Variants in MAL2 observed in about 807,000 individuals in gnomAD.
MAL2 encodes the protein protein MAL2.
MAL2 carries 17 observed loss-of-function variants against 18.1 expected under a neutral mutation model. The ratio of observed to expected loss-of-function variants is 0.94; its 90% confidence interval spans 0.64 to 1.41. The LOEUF (loss-of-function observed/expected upper bound fraction) is 1.41, where lower values mean the gene tolerates loss of function less well. Ranked by LOEUF, MAL2 falls within the 40% of genes most tolerant of loss-of-function variation. The pLI is 0.00. For missense variants in MAL2, 222 were observed against 231.9 expected, an observed-to-expected ratio of 0.96 and a Z score of 0.28; for synonymous variants, 102 against 102.3, an observed-to-expected ratio of 1.00 and a Z score of 0.02.
chr8:119,238,089 C>T (rs1410392773), intron 2 of MAL2, among the ~76,000 whole-genome samples: 1 of 152,190 alleles, frequency 6.6e-6, no homozygotes, highest in Non-Finnish European at 1.5e-5. Context: ...TCAGCAAAGT[C>T]TCAGGATACA....
intron 3 of MAL2, 49 bp from the exon 4 acceptor site, chr8:119,243,368 T>A: frequency 6.9e-7 from 1 of 1,450,392 alleles, no homozygotes; most frequent in Non-Finnish European, 9.4e-7. Context: ...ACACTGTTTA[T>A]AAGTCGGTGT....
chr8:119,233,794 G>A (rs1302702943), intron 2 of MAL2, among the ~76,000 whole-genome samples: 2 of 151,752 alleles, frequency 1.3e-5, no homozygotes, highest in Non-Finnish European at 2.9e-5. Flanking sequence ...CCTATCAATA[G>A]AAAAAGAGAG....
intron 1 of MAL2, among the ~76,000 whole-genome samples, chr8:119,210,645 G>T (rs78305356): frequency 0.079 from 11,962 of 152,108 alleles, 1,372 homozygotes; most frequent in African/African-American, 0.25. Context: ...CTCTCTATCC[G>T]CTAAAACTGC....
At chr8:119,243,081 A>G (rs989627519) in intron 3 of MAL2, among the ~76,000 whole-genome samples, 8 of 152,214 alleles carry the variant, frequency 5.3e-5, no homozygotes, top group African/African-American at 1.9e-4. Flanking sequence ...ACAGAACTTC[A>G]TGCTGAATTT....
At chr8:119,228,000 GTTTGT>G (rs1350219635) in intron 2 of MAL2, among the ~76,000 whole-genome samples, 1 of 32,238 alleles carries the variant, frequency 3.1e-5, no homozygotes, top group Admixed American at 4.0e-4. Flanking sequence ...TGCTACACTT[GTTTGT>G]TTTTAGTCAC....
intron 2 of MAL2, among the ~76,000 whole-genome samples, chr8:119,238,372 A>T (rs1430706026): frequency 6.6e-6 from 1 of 152,204 alleles, no homozygotes; most frequent in East Asian, 1.9e-4. Context: ...TATAGATTCA[A>T]TGCCATCCCC....
intron 2 of MAL2, among the ~76,000 whole-genome samples, chr8:119,226,038 T>A (rs1587129181): frequency 1.3e-5 from 2 of 152,226 alleles, no homozygotes; most frequent in East Asian, 3.9e-4. Flanking sequence ...ATGAGTAGAT[T>A]GCAAAAATTT....
At position 119,240,205 on chromosome 8, in the gene MAL2, G is replaced by C; in HGVS notation, c.344G>C (p.Gly115Ala). Reference sequence around the variant, plus strand: ...TTTACAGTATTTGTCTTCTATTTTGGAGCCTTTTTATTGGAAGCAGCAGCC... The same window carrying C: ...TTTACAGTATTTGTCTTCTATTTTGCAGCCTTTTTATTGGAAGCAGCAGCC... ...YHFTVFVFYF[G>A]AFLLEAAATS... The change falls in exon 3 of 4, where the codon GGA (glycine) becomes GCA (alanine). Residue 115 changes from glycine (G) to alanine (A), a missense_variant. Transcript: ENST00000614891. The C allele has an allele frequency of 6.2e-7, 1 of 1,613,252 alleles. No homozygotes were observed. Among genetic ancestry groups the C allele is most frequent in the Non-Finnish European group, 8.5e-7 (1 of 1,179,694 alleles).
chr8:119,241,404 G>C (rs959376211), intron 3 of MAL2, among the ~76,000 whole-genome samples: 5 of 152,140 alleles, frequency 3.3e-5, no homozygotes, highest in African/African-American at 9.7e-5. Context: ...GCCAGGCCTG[G>C]TGGCTTGTGC....
At chr8:119,212,323 C>T (rs1226072115) in intron 1 of MAL2, among the ~76,000 whole-genome samples, 1 of 152,168 alleles carries the variant, frequency 6.6e-6, no homozygotes, top group African/African-American at 2.4e-5. Context: ...TAAGAAACTA[C>T]TTATATTCCC....
chr8:119,209,070 G>T, intron 1 of MAL2: 1 of 81,156 alleles, frequency 1.2e-5, no homozygotes. Context: ...GTGGAAAGTG[G>T]GGGCGGGAGG....
chr8:119,229,829 C>T (rs1364346560), intron 2 of MAL2, among the ~76,000 whole-genome samples: 3 of 152,124 alleles, frequency 2.0e-5, no homozygotes, highest in South Asian at 2.1e-4. Flanking sequence ...TTCACGTGGG[C>T]ATAAGGAAAC....
Position 119,208,727 on chromosome 8 carries a change from C to T in MAL2, c.132+123C>T. 1 of 1,209,114 alleles carries T rather than the reference C, an allele frequency of 8.3e-7. No individual in the cohort carries two copies. Among genetic ancestry groups the T allele is most frequent in the Non-Finnish European group, 1.0e-6 (1 of 971,910 alleles). The allele number at this position is 1,209,114 out of a possible 1,614,324, so 74.9% of individuals were successfully genotyped here. A position where few individuals can be genotyped will look rare whatever the true frequency, so the allele number is the denominator to read the frequency against. ...CTCCTTCCCTTCGACGTGGCTTTGT[C>T]CTGCGCTCCCTCCCGGGGTCCTCTC... On this transcript the variant is annotated intron_variant, in intron 1 of 3. Transcript: ENST00000614891. This position sits in a 1 kb window ranked among gnomAD's most constrained non-coding sequence, Gnocchi z 4.3.
chr8:119,210,320 A>G (rs1010035485), intron 1 of MAL2, among the ~76,000 whole-genome samples: 1 of 152,140 alleles, frequency 6.6e-6, no homozygotes, highest in Non-Finnish European at 1.5e-5. Context: ...ATACCATCTC[A>G]AGAACCTGTA....
chr8:119,233,608 C>G (rs1327689081), intron 2 of MAL2, among the ~76,000 whole-genome samples: 1 of 152,150 alleles, frequency 6.6e-6, no homozygotes, highest in Admixed American at 6.5e-5. Context: ...CACATACACC[C>G]TCCCAAGACT....
chr8:119,221,871 C>A, intron 2 of MAL2, 114 bp downstream of exon 2: 1 of 1,131,490 alleles, frequency 8.8e-7, no homozygotes, highest in Non-Finnish European at 1.2e-6. Context: ...GAGAAGCGGT[C>A]CAACCACAGA....
At position 119,208,412 on chromosome 8, in the gene MAL2, CCGGGAGGCGGAGG is replaced by C. The variant is rs1194553925; in HGVS notation, c.-50_-38del. On this transcript the variant is annotated 5_prime_UTR_variant, in exon 1 of 4. Transcript: ENST00000614891. This position sits in a 1 kb window ranked among gnomAD's most constrained non-coding sequence, Gnocchi z 4.3. ...CGGCGGCGGCGGCGGCGGCAGGAGC[CCGGGAGGCGGAGG>C]CGGGAGGCGGCGGCGGCGCGCGGAG... The C allele has an allele frequency of 4.1e-6, 4 of 986,104 alleles. No homozygotes were observed. In the South Asian group the frequency reaches 1.4e-4, roughly 35 times the overall value. 61.1% of individuals were successfully genotyped at this position (986,104 alleles called of 1,614,324 possible). A position where few individuals can be genotyped will look rare whatever the true frequency, so the allele number is the denominator to read the frequency against.
chr8:119,213,772 C>G (rs1459944388), intron 1 of MAL2, among the ~76,000 whole-genome samples: 1 of 152,054 alleles, frequency 6.6e-6, no homozygotes, highest in Non-Finnish European at 1.5e-5. Context: ...GAGCCAAGAT[C>G]GCACCATCAC....
chr8:119,234,044 G>T (rs887342215), intron 2 of MAL2, among the ~76,000 whole-genome samples: 2 of 152,142 alleles, frequency 1.3e-5, no homozygotes, highest in Non-Finnish European at 2.9e-5. Flanking sequence ...TCCATCTGAG[G>T]TACCGGGTTC....
Sources: allele counts gnomAD v4.1 joint callset (sites outside exome capture counted in the v4.1 genomes callset), GRCh38; gene constraint gnomAD v4.1.1; non-coding constraint Gnocchi (gnomAD v3.1); transcripts MANE v1.5; gene names NCBI Gene and HGNC (gene_info 2026-07-23, HGNC 2026-07-21).